Variants in CPNE4 observed in about 807,000 individuals in gnomAD.
The protein encoded by CPNE4 is copine 4, also known as copine-4.
In CPNE4, 25 loss-of-function variants were observed where a neutral mutation model predicts 67.9. The observed-to-expected ratio is 0.37, with a 90% confidence interval of 0.27 to 0.51. The LOEUF (loss-of-function observed/expected upper bound fraction) is 0.51, where lower values mean the gene tolerates loss of function less well. Among genes scored for constraint, CPNE4 ranks in the 20% least tolerant of loss-of-function variants. The probability of loss-of-function intolerance (pLI) is 0.93; values close to 1 mark genes in which losing one functional copy is unlikely to be tolerated. For synonymous variants in CPNE4, 242 were observed against 244.9 expected (o/e 0.99, Z 0.11); for missense variants, 464 against 690.8 (o/e 0.67, Z 3.68).
intron 2 of CPNE4, among the ~76,000 whole-genome samples, chr3:131,887,813 A>T (rs1183088625): frequency 1.3e-5 from 2 of 152,190 alleles, no homozygotes; most frequent in Admixed American, 1.3e-4. Context: ...ACCTATGACA[A>T]TAAGATGGGC....
chr3:131,775,616 C>T (rs2083273428), intron 2 of CPNE4, among the ~76,000 whole-genome samples: 1 of 152,082 alleles, frequency 6.6e-6, no homozygotes, highest in Non-Finnish European at 1.5e-5. Flanking sequence ...GGGAGTTTCC[C>T]CGCACAAGTT....
At chr3:132,028,985 G>A (rs1340886400) in intron 1 of CPNE4, among the ~76,000 whole-genome samples, 1 of 151,178 alleles carries the variant, frequency 6.6e-6, no homozygotes, top group Non-Finnish European at 1.5e-5. Context: ...GGCACAGGAA[G>A]TAGCATTTAT....
At chr3:132,006,146 G>C (rs1372154489) in intron 1 of CPNE4, among the ~76,000 whole-genome samples, 1 of 152,024 alleles carries the variant, frequency 6.6e-6, no homozygotes, top group Non-Finnish European at 1.5e-5. Flanking sequence ...TACTAACACA[G>C]AACTTGTTCC....
intron 7 of CPNE4, among the ~76,000 whole-genome samples, chr3:131,633,264 A>G (rs1323451540): frequency 2.0e-5 from 3 of 152,074 alleles, no homozygotes; most frequent in East Asian, 1.9e-4. Flanking sequence ...TTAGCTTTCT[A>G]TCTGGTCTCT....
At chr3:131,633,158 CT>C (rs1380191730) in intron 7 of CPNE4, among the ~76,000 whole-genome samples, 1 of 152,166 alleles carries the variant, frequency 6.6e-6, no homozygotes, top group Non-Finnish European at 1.5e-5. Flanking sequence ...GTTGGTTTTA[CT>C]TTCAAAATAT....
chr3:131,597,599 C>T (rs1252628528), intron 7 of CPNE4, among the ~76,000 whole-genome samples: 3 of 152,176 alleles, frequency 2.0e-5, no homozygotes, highest in Non-Finnish European at 4.4e-5. Flanking sequence ...AACGTAACTG[C>T]TGCTGATCAG....
rs1583172473 is a variant in CPNE4, at chr3:131,771,905, T to C, written c.181-48280A>G. Among the ~76,000 whole-genome samples, 3 of 152,244 alleles carry C rather than the reference T, an allele frequency of 2.0e-5. 1 individual carries two copies. Among genetic ancestry groups the C allele is most frequent in the African/African-American group, 2.4e-5 (1 of 41,554 alleles). Reference sequence around the variant, plus strand: ...GAGCTGGGTTTTTAATTTTTTTTGTTTGTTTGTTTGAGCACACACACATTT... The same window carrying C: ...GAGCTGGGTTTTTAATTTTTTTTGTCTGTTTGTTTGAGCACACACACATTT... On this transcript the variant is annotated intron_variant, in intron 2 of 15. Transcript: ENST00000429747.
intron 2 of CPNE4, among the ~76,000 whole-genome samples, chr3:131,830,543 T>C (rs2107993226): frequency 6.6e-6 from 1 of 152,258 alleles, no homozygotes; most frequent in South Asian, 2.1e-4. Flanking sequence ...TTCCTCTACC[T>C]ACTCTTACTG....
chr3:131,888,449 T>C (rs915774699), intron 2 of CPNE4, among the ~76,000 whole-genome samples: 1 of 151,780 alleles, frequency 6.6e-6, no homozygotes, highest in Non-Finnish European at 1.5e-5. Flanking sequence ...GAAAAGGAGC[T>C]CTTGAAATAT....
intron 8 of CPNE4, 74 bp from the exon 9 acceptor site, chr3:131,581,739 T>A: frequency 9.6e-7 from 1 of 1,043,352 alleles, no homozygotes; most frequent in Non-Finnish European, 1.5e-6. Context: ...AGCTCCTAGG[T>A]GCTGCTGAGG....
intron 1 of CPNE4, among the ~76,000 whole-genome samples, chr3:132,019,838 A>C (rs988776136): frequency 6.6e-6 from 1 of 152,204 alleles, no homozygotes. Context: ...CCCTTCAGCC[A>C]AGAGGACCAG....
chr3:131,699,942 C>A lies in CPNE4; in HGVS notation c.399G>T (p.Lys133Asn). Residue 133 changes from lysine (K) to asparagine (N), a missense_variant, in exon 4 of 16, where the codon AAG (lysine) becomes AAT (asparagine). By Grantham distance (94) the Lys-to-Asn change is moderately conservative. This residue lies in a region of CPNE4 where 170 missense variants were observed against 203.3 expected (regional missense o/e 0.84). Coordinates refer to ENST00000429747, the MANE Select transcript of CPNE4 (RefSeq NM_130808.3). ...AAGATTTCCCTGCTGTGTTCCCATG[C>A]TTCAGCAAGGATTTGGACAGCTTTC... ...SQRKLSKSLL[K>N]HGNTAGKSSI... The A allele has an allele frequency of 6.2e-7, 1 of 1,612,324 alleles. No homozygotes were observed.
At chr3:131,864,420 A>G (rs1000564275) in intron 2 of CPNE4, among the ~76,000 whole-genome samples, 33 of 151,978 alleles carry the variant, frequency 2.2e-4, no homozygotes, top group African/African-American at 8.0e-4. Context: ...GAGGTCCTTC[A>G]TGTTCCTTGT....
At chr3:131,882,265 T>C (rs749764929) in intron 2 of CPNE4, among the ~76,000 whole-genome samples, 10 of 152,236 alleles carry the variant, frequency 6.6e-5, no homozygotes, top group East Asian at 3.9e-4. Context: ...ATTATGTAAA[T>C]AATTAATAAA....
chr3:131,874,094 CT>C (rs11398327), intron 2 of CPNE4, among the ~76,000 whole-genome samples: 50 of 145,790 alleles, frequency 3.4e-4, no homozygotes, highest in Non-Finnish European at 3.2e-4. Context: ...TGTTTCTTTT[CT>C]TTTTTTTTTT....
intron 2 of CPNE4, among the ~76,000 whole-genome samples, chr3:131,819,919 T>G (rs760162955): frequency 2.1e-4 from 32 of 152,154 alleles, no homozygotes; most frequent in Admixed American, 6.5e-4. Flanking sequence ...AGTTGTTCTT[T>G]CAGACTAAGA....
chr3:131,766,128 T>A (rs2083006959), intron 2 of CPNE4, among the ~76,000 whole-genome samples: 1 of 152,160 alleles, frequency 6.6e-6, no homozygotes, highest in Non-Finnish European at 1.5e-5. Flanking sequence ...GGCACCAGAT[T>A]GCCTGCATTT....
At chr3:131,856,598 C>A (rs955866436) in intron 2 of CPNE4, among the ~76,000 whole-genome samples, 1 of 151,974 alleles carries the variant, frequency 6.6e-6, no homozygotes, top group African/African-American at 2.4e-5. Flanking sequence ...GAGAATAGAA[C>A]ACACATGTGG....
At chr3:131,772,032 G>T (rs749620999) in intron 2 of CPNE4, among the ~76,000 whole-genome samples, 1 of 151,992 alleles carries the variant, frequency 6.6e-6, no homozygotes. Context: ...GTATCCATTC[G>T]CAAATGAACA....
Sources: allele counts gnomAD v4.1 joint callset (sites outside exome capture counted in the v4.1 genomes callset), GRCh38; gene constraint gnomAD v4.1.1; regional missense constraint gnomAD v4.1.1; transcripts MANE v1.5; gene names NCBI Gene and HGNC (gene_info 2026-07-23, HGNC 2026-07-21).